The following ADGRV1 variants were observed in gnomAD, a reference collection of about 807,000 sequenced individuals.
ADGRV1 encodes the protein G-protein coupled receptor 98.
Under a neutral mutation model 596.2 loss-of-function variants are expected in ADGRV1, and 359 were observed. That is an observed-to-expected ratio of 0.60 (90% CI 0.55 to 0.66). The LOEUF is 0.66. ADGRV1 is among the 30% of genes least tolerant of loss of function. ADGRV1 has a pLI of 0.00. For missense variants in ADGRV1, 7,274 were observed against 7,575.6 expected (o/e 0.96, Z 1.48); for synonymous variants, 2,681 against 2,679.2 (o/e 1.00, Z -0.02).
intron 87 of ADGRV1, among the ~76,000 whole-genome samples, chr5:91,135,948 T>C (rs1794594413): frequency 6.6e-6 from 1 of 152,058 alleles, no homozygotes; most frequent in Admixed American, 6.6e-5. Context: ...GATTAGCAGG[T>C]AGTCAGGGAA....
rs765435845 is a variant in ADGRV1 at position 90,708,845 on chromosome 5, C to G, written c.8760C>G (p.Phe2920Leu). 4 of 1,611,308 alleles carry G rather than the reference C, an allele frequency of 2.5e-6. No homozygotes were observed. Among genetic ancestry groups the G allele is most frequent in the Non-Finnish European group, 3.4e-6 (4 of 1,178,118 alleles). The change falls in exon 39 of 90, where the codon TTC becomes TTG. Residue 2920 changes from phenylalanine (F) to leucine (L), a missense_variant. By Grantham distance (22) the Phe-to-Leu change is conservative (BLOSUM62 0). Transcript: ENST00000405460. ...ATGTACCAGAGCTAGAAGAATATTT[C>G]CTGGTGAATTTAACTTACGTTGGAC... ...EDDVPELEEY[F>L]LVNLTYVGLT...
Position 90,811,196 on chromosome 5 carries a change from A to G in ADGRV1, c.15936A>G (p.Val5312=). ...TAGATGGAGAAAGAGAACGTAAAGT[A>G]TCAGTTCAAATTTTGGATGATGATG... ...IFLDGERERK[V]SVQILDDDEP... is the part of the protein sequence containing the mutation. Residue 5312 remains valine, a synonymous_variant, in exon 74 of 90, where the codon GTA becomes GTG. Transcript: ENST00000405460. 6.2e-7 allele frequency: 1 copy of G among 1,613,598 alleles called. No individual in the cohort carries two copies. Among genetic ancestry groups the G allele is most frequent in the Non-Finnish European group, 8.5e-7 (1 of 1,179,680 alleles).
intron 3 of ADGRV1, 72 bp downstream of exon 3, chr5:90,618,025 T>A: frequency 8.4e-7 from 1 of 1,184,036 alleles, no homozygotes; most frequent in Non-Finnish European, 1.2e-6. Context: ...TTTTAGTGCT[T>A]AACAATCTAT....
intron 86 of ADGRV1, among the ~76,000 whole-genome samples, chr5:91,073,119 T>A (rs1180235526): frequency 6.6e-6 from 1 of 152,220 alleles, no homozygotes; most frequent in African/African-American, 2.4e-5. Context: ...TGGCTTTCAC[T>A]ACAGCTCATT....
intron 87 of ADGRV1, among the ~76,000 whole-genome samples, chr5:91,134,132 C>A (rs1794437138): frequency 6.6e-6 from 1 of 151,506 alleles, no homozygotes; most frequent in South Asian, 2.1e-4. Flanking sequence ...TAGGCAAGTA[C>A]AGAGAACTCT....
intron 83 of ADGRV1, among the ~76,000 whole-genome samples, chr5:90,883,749 A>G (rs1440332955): frequency 6.6e-6 from 1 of 152,140 alleles, no homozygotes; most frequent in Non-Finnish European, 1.5e-5. Context: ...AGATATGTCC[A>G]TGTGCATATC....
chr5:90,665,168 G>A (rs1378391555), intron 21 of ADGRV1, among the ~76,000 whole-genome samples: 4 of 151,416 alleles, frequency 2.6e-5, no homozygotes, highest in African/African-American at 9.7e-5. Flanking sequence ...CTATTGATTG[G>A]AATAGTTTCA....
At chr5:90,595,524 C>A (rs1580386263) in intron 1 of ADGRV1, among the ~76,000 whole-genome samples, 6 of 121,896 alleles carry the variant, frequency 4.9e-5, no homozygotes, top group East Asian at 2.5e-4. Context: ...GGCAGAGGCG[C>A]CCCTCACCTC....
At chr5:90,866,910 C>T (rs560932731) in intron 83 of ADGRV1, among the ~76,000 whole-genome samples, 1 of 152,122 alleles carries the variant, frequency 6.6e-6, no homozygotes, top group East Asian at 1.9e-4. Context: ...TATTTTTTCT[C>T]ACTTATATAA....
At chr5:91,054,352 A>G (rs1013281420) in intron 85 of ADGRV1, among the ~76,000 whole-genome samples, 1 of 152,188 alleles carries the variant, frequency 6.6e-6, no homozygotes, top group Non-Finnish European at 1.5e-5. Flanking sequence ...TTTTGTAGAA[A>G]TAATAAAGAA....
chr5:90,829,833 C>G (rs942972289), intron 77 of ADGRV1, among the ~76,000 whole-genome samples: 2 of 151,956 alleles, frequency 1.3e-5, no homozygotes, highest in African/African-American at 4.8e-5. Context: ...AAAATCTGTC[C>G]CTACTCTGCT....
Position 90,653,223 on chromosome 5 carries a change from C to T in ADGRV1, c.3649C>T (p.Pro1217Ser), listed in dbSNP as rs753265639. Reference sequence around the variant, plus strand: ...TCTTGTTACAGGTGGATCCCCAGGTCCTGGGGGCCAGCTAGCAGAAACCAA... The same window carrying T: ...TCTTGTTACAGGTGGATCCCCAGGTTCTGGGGGCCAGCTAGCAGAAACCAA... ...LVNISGGSPG[P>S]GGQLAETNLQ... The change falls in exon 20 of 90, where the codon CCT becomes TCT. Residue 1217 changes from proline to serine, a missense_variant. By Grantham distance (74) the Pro-to-Ser change is moderately conservative (BLOSUM62 -1). Coordinates refer to ENST00000405460, the MANE Select transcript of ADGRV1 (RefSeq NM_032119.4). 2 of 1,609,400 alleles carry T rather than the reference C, an allele frequency of 1.2e-6. No homozygotes were observed. The highest frequency in any genetic ancestry group is 1.7e-6 in the Non-Finnish European group (2 of 1,176,848).
chr5:90,629,830 A>G, intron 9 of ADGRV1: 1 of 226,738 alleles, frequency 4.4e-6, no homozygotes, highest in African/African-American at 2.3e-5. Context: ...ATGACATAGT[A>G]GAGTAACTTA....
intron 83 of ADGRV1, among the ~76,000 whole-genome samples, chr5:90,947,429 G>T (rs1776674572): frequency 6.6e-6 from 1 of 151,866 alleles, no homozygotes; most frequent in Non-Finnish European, 1.5e-5. Flanking sequence ...CCATTCTGTA[G>T]GGTTTAGTTT....
intron 83 of ADGRV1, among the ~76,000 whole-genome samples, chr5:90,920,454 T>G (rs1339565281): frequency 6.6e-6 from 1 of 152,188 alleles, no homozygotes; most frequent in Non-Finnish European, 1.5e-5. Flanking sequence ...AAAAAAAAAT[T>G]TCTCTTCAGA....
chr5:90,833,352 A>T (rs913420662), intron 77 of ADGRV1, among the ~76,000 whole-genome samples: 1 of 152,060 alleles, frequency 6.6e-6, no homozygotes, highest in African/African-American at 2.4e-5. Context: ...TGGTGTGATC[A>T]TGGCTTACTA....
intron 86 of ADGRV1, among the ~76,000 whole-genome samples, chr5:91,078,087 A>G (rs1182200284): frequency 6.6e-6 from 1 of 152,134 alleles, no homozygotes. Flanking sequence ...GGTATTTAGA[A>G]TCTCCTGGTA....
intron 87 of ADGRV1, among the ~76,000 whole-genome samples, chr5:91,126,546 T>C (rs751594278): frequency 4.1e-4 from 62 of 152,320 alleles, no homozygotes; most frequent in South Asian, 1.4e-3. Context: ...CCCAGAGCAG[T>C]CTGGTGGCCT....
intron 84 of ADGRV1, among the ~76,000 whole-genome samples, chr5:90,969,707 T>C (rs1047864182): frequency 1.3e-5 from 2 of 152,262 alleles, no homozygotes; most frequent in African/African-American, 2.4e-5. Context: ...CTTGAAACTA[T>C]TGAAATCATT....
Sources: allele counts gnomAD v4.1 joint callset (sites outside exome capture counted in the v4.1 genomes callset), GRCh38; gene constraint gnomAD v4.1.1; transcripts MANE v1.5; gene names NCBI Gene and HGNC (gene_info 2026-07-23, HGNC 2026-07-21).